The following CCSER1 variants were observed in gnomAD, a reference collection of about 807,000 sequenced individuals.
CCSER1 encodes coiled-coil serine rich protein 1.
In CCSER1, 41 loss-of-function variants were observed where a neutral mutation model predicts 82.0. The ratio of observed to expected loss-of-function variants is 0.50; its 90% confidence interval spans 0.39 to 0.65. CCSER1 has a LOEUF of 0.65. Ranked by LOEUF, CCSER1 falls within the 30% of genes least tolerant of loss-of-function variation. The pLI, the probability that CCSER1 is intolerant of heterozygous loss-of-function variation, is 0.00. For synonymous variants in CCSER1, 414 were observed against 383.9 expected (o/e 1.08, Z -0.92); for missense variants, 1,119 against 1,064.2 (o/e 1.05, Z -0.72).
intron 7 of CCSER1, among the ~76,000 whole-genome samples, chr4:90,744,625 C>A (rs1387147952): frequency 6.6e-6 from 1 of 152,004 alleles, no homozygotes; most frequent in Non-Finnish European, 1.5e-5. Flanking sequence ...GGCCACAGAC[C>A]AATAGGAACC....
chr4:91,550,670 C>G (rs913117527), intron 10 of CCSER1, among the ~76,000 whole-genome samples: 3 of 152,216 alleles, frequency 2.0e-5, no homozygotes, highest in African/African-American at 4.8e-5. Flanking sequence ...CTATACTATA[C>G]TATATCATAC....
intron 10 of CCSER1, among the ~76,000 whole-genome samples, chr4:91,574,984 A>G (rs1646032235): frequency 6.6e-6 from 1 of 152,070 alleles, no homozygotes; most frequent in South Asian, 2.1e-4. Context: ...TGGTATAGTA[A>G]TCAAGACAGT....
intron 7 of CCSER1, among the ~76,000 whole-genome samples, chr4:90,762,231 TA>T (rs1305304430): frequency 1.3e-5 from 2 of 152,214 alleles, no homozygotes; most frequent in African/African-American, 4.8e-5. Context: ...GATGGTTTTA[TA>T]AGGGGCTTTT....
At chr4:90,374,395 C>T (rs1440568644) in intron 3 of CCSER1, among the ~76,000 whole-genome samples, 7 of 152,094 alleles carry the variant, frequency 4.6e-5, no homozygotes, top group African/African-American at 4.8e-5. Flanking sequence ...GTTGCAAATT[C>T]GCCTCCTTTT....
intron 5 of CCSER1, among the ~76,000 whole-genome samples, chr4:90,561,617 G>A (rs1362934469): frequency 6.6e-6 from 1 of 152,052 alleles, no homozygotes; most frequent in East Asian, 1.9e-4. Flanking sequence ...GCTTATTTGT[G>A]GCCAAATCCT....
At chr4:91,063,971 C>T (rs1744162572) in intron 9 of CCSER1, among the ~76,000 whole-genome samples, 1 of 152,142 alleles carries the variant, frequency 6.6e-6, no homozygotes, top group Admixed American at 6.6e-5. Flanking sequence ...TACTACATTA[C>T]CTCACATTAT....
At chr4:90,895,182 C>T (rs1489431559) in intron 8 of CCSER1, among the ~76,000 whole-genome samples, 1 of 151,790 alleles carries the variant, frequency 6.6e-6, no homozygotes, top group Non-Finnish European at 1.5e-5. Flanking sequence ...TGTATTCTTT[C>T]TTTTGCATTA....
chr4:90,478,224 C>T (rs1410754264), intron 5 of CCSER1, among the ~76,000 whole-genome samples: 1 of 152,108 alleles, frequency 6.6e-6, no homozygotes, highest in African/African-American at 2.4e-5. Context: ...AAGGGTTCCC[C>T]TGATTGATGG....
intron 4 of CCSER1, among the ~76,000 whole-genome samples, chr4:90,403,564 A>T (rs1354698128): frequency 6.6e-6 from 1 of 151,534 alleles, no homozygotes; most frequent in Non-Finnish European, 1.5e-5. Flanking sequence ...TTGATAATTG[A>T]TATTGATAAA....
At chr4:91,354,449 C>T (rs4591560) in intron 10 of CCSER1, among the ~76,000 whole-genome samples, 3,006 of 152,238 alleles carry the variant, frequency 0.02, 90 homozygotes, top group African/African-American at 0.067. Flanking sequence ...CCTGTGGGGC[C>T]GTCCAGTCCT....
At chr4:90,139,464 A>G (rs1399478819) in intron 1 of CCSER1, among the ~76,000 whole-genome samples, 1 of 152,164 alleles carries the variant, frequency 6.6e-6, no homozygotes, top group East Asian at 1.9e-4. Flanking sequence ...TATATATACT[A>G]TCTATCCTTC....
intron 10 of CCSER1, among the ~76,000 whole-genome samples, chr4:91,141,618 AT>A (rs1033299765): frequency 1.3e-5 from 2 of 151,570 alleles, no homozygotes; most frequent in Admixed American, 6.6e-5. Context: ...TGGTAGAACA[AT>A]TTTTTTTTCC....
intron 10 of CCSER1, among the ~76,000 whole-genome samples, chr4:91,576,827 G>C (rs1457782357): frequency 6.6e-6 from 1 of 151,834 alleles, no homozygotes; most frequent in Admixed American, 6.6e-5. Context: ...GAGCATTTTG[G>C]ATTTTAAATT....
chr4:91,336,840 T>C (rs1210138550), intron 10 of CCSER1, among the ~76,000 whole-genome samples: 1 of 152,096 alleles, frequency 6.6e-6, no homozygotes, highest in African/African-American at 2.4e-5. Context: ...ATTTATGCCC[T>C]CAGGGAAAAT....
At chr4:90,573,209 G>C (rs1780321557) in intron 5 of CCSER1, among the ~76,000 whole-genome samples, 1 of 152,224 alleles carries the variant, frequency 6.6e-6, no homozygotes, top group Non-Finnish European at 1.5e-5. Flanking sequence ...GTGCTGGGAT[G>C]TGCCTGAAGC....
chr4:90,672,303 C>T (rs1053025177), intron 6 of CCSER1, among the ~76,000 whole-genome samples: 2 of 152,032 alleles, frequency 1.3e-5, no homozygotes, highest in Non-Finnish European at 2.9e-5. Flanking sequence ...GGATAACTTG[C>T]TGCAGCATCT....
At chr4:90,334,088 A>T (rs769942987) in intron 3 of CCSER1, among the ~76,000 whole-genome samples, 10 of 152,190 alleles carry the variant, frequency 6.6e-5, no homozygotes, top group Non-Finnish European at 1.3e-4. Context: ...TAACACAACC[A>T]TTACCTTGGT....
At chr4:90,142,231 C>T (rs1190733900) in intron 1 of CCSER1, among the ~76,000 whole-genome samples, 3 of 152,284 alleles carry the variant, frequency 2.0e-5, no homozygotes, top group African/African-American at 7.2e-5. Flanking sequence ...ACTTAGAGCA[C>T]CCTCACACAC....
intron 9 of CCSER1, among the ~76,000 whole-genome samples, chr4:90,977,506 C>A (rs72665473): frequency 0.23 from 34,817 of 151,206 alleles, 4,557 homozygotes; most frequent in Non-Finnish European, 0.29. Flanking sequence ...CATATACTGG[C>A]ATTATAAATT....
Sources: gnomAD v4.1 joint callset for allele counts (sites outside exome capture counted in the v4.1 genomes callset) on GRCh38, gnomAD v4.1.1 for gene constraint, MANE v1.5 for transcripts, NCBI Gene and HGNC (gene_info 2026-07-23, HGNC 2026-07-21) for gene names.